DRC4: variants seen among roughly 807,000 people sequenced by gnomAD.
The protein encoded by DRC4 is dynein regulatory complex subunit 4.
the DRC4 span, among the ~76,000 whole-genome samples, chr16:90,024,785 G>A: frequency 6.6e-6 from 1 of 151,746 alleles, no homozygotes; most frequent in African/African-American, 2.4e-5. Flanking sequence ...CAGCCTGGGT[G>A]ACAGAGCAAG....
At chr16:90,043,027 G>A in the DRC4 span, 17 of 684,438 alleles carry the variant, frequency 2.5e-5, no homozygotes, top group Non-Finnish European at 2.8e-5. Context: ...CTGAGCCAAC[G>A]CAGTGAAGGT....
the DRC4 span, chr16:90,036,864 C>T: frequency 6.7e-6 from 4 of 595,796 alleles, no homozygotes; most frequent in South Asian, 3.7e-5. Flanking sequence ...CAGATGGAAC[C>T]GCAGTGAGGG....
At chr16:90,037,915 C>A in the DRC4 span, 3 of 1,431,292 alleles carry the variant, frequency 2.1e-6, no homozygotes, top group Non-Finnish European at 3.0e-6. Context: ...CCAAGTTCAC[C>A]AAGGTGAGCG....
At chr16:90,037,691 G>C in the DRC4 span, 3 of 1,455,302 alleles carry the variant, frequency 2.1e-6, no homozygotes, top group Non-Finnish European at 2.9e-6. Flanking sequence ...CCATCTCCCA[G>C]GAGCCCGTGT....
chr16:90,043,422 C>T, the DRC4 span: 1 of 1,377,986 alleles, frequency 7.3e-7, no homozygotes, highest in African/African-American at 1.5e-5. Flanking sequence ...ACACCAAGGA[C>T]AGCAAGTTTT....
the DRC4 span, among the ~76,000 whole-genome samples, chr16:90,038,017 G>C: frequency 1.3e-5 from 2 of 152,206 alleles, no homozygotes; most frequent in Non-Finnish European, 2.9e-5. Context: ...CAGATGCCTT[G>C]GCCAGGTTTC....
the DRC4 span, among the ~76,000 whole-genome samples, chr16:90,026,825 C>T: frequency 1.3e-5 from 2 of 149,322 alleles, no homozygotes; most frequent in African/African-American, 2.5e-5. Context: ...TGGGATGACA[C>T]GTGTGAGCCA....
chr16:90,031,339 G>T, the DRC4 span: 2 of 1,613,456 alleles, frequency 1.2e-6, no homozygotes, highest in Non-Finnish European at 8.5e-7. Flanking sequence ...GAGCTGGACC[G>T]CGAGCGGGAG....
At chr16:90,041,474 G>C in the DRC4 span, among the ~76,000 whole-genome samples, 5 of 152,192 alleles carry the variant, frequency 3.3e-5, no homozygotes, top group African/African-American at 1.2e-4. Flanking sequence ...ACATCTGGGC[G>C]GGGCCAGCGC....
the DRC4 span, chr16:90,043,575 G>A: frequency 1.0e-5 from 6 of 597,894 alleles, no homozygotes; most frequent in African/African-American, 5.5e-5. Flanking sequence ...CGTCCAGCCT[G>A]TGTCCAGGCC....
the DRC4 span, chr16:90,019,708 C>T: frequency 1.7e-6 from 1 of 589,278 alleles, no homozygotes; most frequent in Non-Finnish European, 3.0e-6. The surrounding 1 kb of genome is among the most constrained non-coding windows in gnomAD (Gnocchi z 6.1). Flanking sequence ...GCCGGGCGTC[C>T]GGGGCTCCTG....
At chr16:90,022,641 A>G in the DRC4 span, 3 of 1,378,366 alleles carry the variant, frequency 2.2e-6, no homozygotes, top group South Asian at 4.3e-5. Context: ...GGCATCGCCC[A>G]GCGGTTGCCG....
the DRC4 span, chr16:90,029,188 A>AGGGGGCAGCC: frequency 1.8e-6 from 2 of 1,132,426 alleles, no homozygotes; most frequent in Admixed American, 3.4e-5. Context: ...GGGGCAGGCT[A>AGGGGGCAGCC]TGGGGCAGCC....
the DRC4 span, chr16:90,043,186 G>A: frequency 1.2e-6 from 2 of 1,604,332 alleles, no homozygotes; most frequent in South Asian, 2.2e-5. Flanking sequence ...ACACTGCCCT[G>A]TCTCCACAGG....
the DRC4 span, chr16:90,044,529 C>T: frequency 4.2e-6 from 2 of 471,124 alleles, no homozygotes; most frequent in African/African-American, 2.0e-5. Flanking sequence ...AGCTTTCCTG[C>T]CCCCTCTTCC....
At chr16:90,028,957 T>C in the DRC4 span, 2 of 1,303,840 alleles carry the variant, frequency 1.5e-6, no homozygotes, top group Non-Finnish European at 2.0e-6. Flanking sequence ...ATTGGCAGTT[T>C]AAGCCAGTGG....
At chr16:90,034,788 A>G in the DRC4 span, among the ~76,000 whole-genome samples, 2 of 151,372 alleles carry the variant, frequency 1.3e-5, no homozygotes, top group African/African-American at 4.9e-5. Context: ...CAATGGTACA[A>G]TCATAGCTCA....
the DRC4 span, among the ~76,000 whole-genome samples, chr16:90,027,449 C>T: frequency 6.6e-6 from 1 of 152,156 alleles, no homozygotes; most frequent in Non-Finnish European, 1.5e-5. Context: ...TTGTGCTTCT[C>T]CAAATGCAAC....
the DRC4 span, chr16:90,035,616 C>G: frequency 3.1e-6 from 5 of 1,613,976 alleles, no homozygotes; most frequent in Non-Finnish European, 4.2e-6. Flanking sequence ...TAGTAATGGC[C>G]GCTTCTCCCT....
Sources: allele counts gnomAD v4.1 joint callset (sites outside exome capture counted in the v4.1 genomes callset), GRCh38; gene constraint gnomAD v4.1.1; non-coding constraint Gnocchi (gnomAD v3.1); transcripts MANE v1.5; gene names NCBI Gene and HGNC (gene_info 2026-07-23, HGNC 2026-07-21).